Variants in FREM2 observed in about 807,000 individuals in gnomAD.
FREM2 encodes FRAS1-related extracellular matrix protein 2.
In FREM2, 119 loss-of-function variants were observed where a neutral mutation model predicts 219.9. The ratio of observed to expected loss-of-function variants is 0.54; its 90% CI spans 0.47 to 0.63. The LOEUF is 0.63. Among genes scored for constraint, FREM2 ranks in the 30% least tolerant of loss-of-function variants. The probability of loss-of-function intolerance (pLI) is 0.00; values close to 1 mark genes in which losing one functional copy is unlikely to be tolerated. For synonymous variants in FREM2, 1,562 were observed against 1,522.8 expected, an observed-to-expected ratio of 1.03 and a Z score of -0.60; for missense variants, 4,030 against 3,993.6, an observed-to-expected ratio of 1.01 and a Z score of -0.25.
At chr13:38,819,472 A>T (rs2137874776) in intron 6 of FREM2, among the ~76,000 whole-genome samples, 1 of 152,288 alleles carries the variant, frequency 6.6e-6, no homozygotes. Flanking sequence ...CTGTGGCAGG[A>T]CATAGGGCTG....
chr13:38,742,510 T>C lies in FREM2; in HGVS notation c.5264-21794T>C, dbSNP rs139722420. The stretch of plus-strand genomic sequence containing the variant: ...TACAAATCAGGTTGTAGCTGGGTTT[T>C]TCCCAATGATGATTTCAAATATGAC... On this transcript the variant is annotated intron_variant, in intron 2 of 23. Coordinates refer to ENST00000280481, the MANE Select transcript of FREM2 (RefSeq NM_207361.6). Among the ~76,000 whole-genome samples, 242 of 152,320 alleles carry C rather than the reference T, an allele frequency of 1.6e-3. 1 individual carries two copies. The highest frequency in any genetic ancestry group is 1.8e-3 in the Non-Finnish European group (123 of 68,022).
At chr13:38,695,665 T>C (rs528541423) in intron 1 of FREM2, among the ~76,000 whole-genome samples, 17 of 152,202 alleles carry the variant, frequency 1.1e-4, no homozygotes, top group African/African-American at 2.9e-4. Flanking sequence ...GTGGTAAAGA[T>C]GTGTAGTCAG....
chr13:38,751,082 T>G (rs1872734515), intron 2 of FREM2, among the ~76,000 whole-genome samples: 1 of 152,202 alleles, frequency 6.6e-6, no homozygotes, highest in South Asian at 2.1e-4. Flanking sequence ...TCTCAGCCAT[T>G]GTAAATAACG....
chr13:38,844,344 A>C (rs9548494), intron 6 of FREM2, among the ~76,000 whole-genome samples: 18,806 of 152,124 alleles, frequency 0.12, 1,406 homozygotes, highest in Admixed American at 0.21. Context: ...ATGCATATAA[A>C]ACACATGTGT....
In FREM2 at chr13:38,884,167, A is replaced by G. The variant is rs533916548; in HGVS notation, c.*3380A>G. On this transcript the variant is annotated 3_prime_UTR_variant, in exon 24 of 24. Coordinates refer to ENST00000280481, the MANE Select transcript of FREM2 (RefSeq NM_207361.6). ...GCCAAGCCACTGCATAGCATTTGTG[A>G]TAAGAAGGACCAACTCTAGGCTCAA... The G allele has an allele frequency of 6.6e-6, 1 of 152,340 alleles. No individual in the cohort carries two copies. Among genetic ancestry groups the G allele is most frequent in the South Asian group, 2.1e-4 (1 of 4,828 alleles). 9.4% of individuals were successfully genotyped at this position (152,340 alleles called of 1,614,324 possible). A position where few individuals can be genotyped will look rare whatever the true frequency, so the allele number is the denominator to read the frequency against.
intron 4 of FREM2, among the ~76,000 whole-genome samples, chr13:38,779,215 T>TG (rs1006462449): frequency 2.0e-5 from 3 of 146,382 alleles, no homozygotes; most frequent in African/African-American, 7.6e-5. Context: ...CAACACACAC[T>TG]GGGGCTTGTC....
At chr13:38,830,944 C>A (rs992833220) in intron 6 of FREM2, among the ~76,000 whole-genome samples, 1 of 152,136 alleles carries the variant, frequency 6.6e-6, no homozygotes, top group Admixed American at 6.6e-5. Flanking sequence ...AGTTTAAAAT[C>A]CTTGACTCGG....
At chr13:38,865,403 A>G (rs1877928505) in intron 16 of FREM2, among the ~76,000 whole-genome samples, 1 of 152,220 alleles carries the variant, frequency 6.6e-6, no homozygotes, top group East Asian at 1.9e-4. Context: ...TATTTGAACT[A>G]AAAGCAATGC....
chr13:38,821,349 A>T (rs1314060596), intron 6 of FREM2, among the ~76,000 whole-genome samples: 1 of 152,126 alleles, frequency 6.6e-6, no homozygotes, highest in Admixed American at 6.6e-5. Context: ...AAGATTGCCC[A>T]GTCAAATATA....
chr13:38,805,017 C>T (rs1369469331), intron 6 of FREM2, among the ~76,000 whole-genome samples: 1 of 151,964 alleles, frequency 6.6e-6, no homozygotes, highest in African/African-American at 2.4e-5. Flanking sequence ...AATTTCTTAC[C>T]TTATGGCATG....
chr13:38,861,415 C>CGTT lies in FREM2; in HGVS notation c.7520-16_7520-15insGTT. ...TACCTTCTTTTCGCATAAATATGGTCTTTTTTTTTTTCAAGGTCTTTGTCA... is the reference window on the plus strand; with the variant it reads ...TACCTTCTTTTCGCATAAATATGGTCGTTTTTTTTTTTTTCAAGGTCTTTGTCA... On this transcript the variant is annotated splice_polypyrimidine_tract_variant and intron_variant, in intron 14 of 23. Transcript: ENST00000280481. 1.4e-5 allele frequency: 18 copies of CGTT among 1,325,162 alleles called. No homozygotes were observed. Among genetic ancestry groups the CGTT allele is most frequent in the Admixed American group, 3.7e-5 (2 of 54,300 alleles). 82.1% of individuals were successfully genotyped at this position (1,325,162 alleles called of 1,614,324 possible). A position where few individuals can be genotyped will look rare whatever the true frequency, so the allele number is the denominator to read the frequency against.
chr13:38,863,505 ATACAT>A (rs1168093761), intron 15 of FREM2, among the ~76,000 whole-genome samples: 3 of 152,126 alleles, frequency 2.0e-5, no homozygotes, highest in Non-Finnish European at 4.4e-5. Context: ...ACAAAAAGAA[ATACAT>A]TACATATTAA....
At chr13:38,828,875 C>T (rs9548465) in intron 6 of FREM2, among the ~76,000 whole-genome samples, 110,271 of 152,050 alleles carry the variant, frequency 0.73, 40,300 homozygotes, top group East Asian at 0.97. Flanking sequence ...GGCATTTAGA[C>T]TGGTTTCAGA....
intron 21 of FREM2, among the ~76,000 whole-genome samples, chr13:38,877,552 G>T (rs1250075593): frequency 6.6e-6 from 1 of 152,020 alleles, no homozygotes; most frequent in Non-Finnish European, 1.5e-5. Context: ...AGCTACATGA[G>T]ACTGTAAATG....
chr13:38,857,548 A>G (rs1046997979), intron 12 of FREM2, among the ~76,000 whole-genome samples: 2 of 151,880 alleles, frequency 1.3e-5, no homozygotes. Context: ...TCCCTTCACA[A>G]CCCCAAGACA....
chr13:38,849,990 ATTTTCCACAAGGAAATT>A, intron 8 of FREM2, 31 bp from the exon 9 acceptor site: 2 of 1,513,662 alleles, frequency 1.3e-6, no homozygotes, highest in Non-Finnish European at 1.8e-6. Context: ...CTGAAATGCC[ATTTTCCACAAGGAAATT>A]TCTGTTCACT....
intron 3 of FREM2, among the ~76,000 whole-genome samples, chr13:38,765,947 A>C (rs1161643663): frequency 6.6e-6 from 1 of 152,212 alleles, no homozygotes. Flanking sequence ...TTCTCTGTGC[A>C]CATGTGCACA....
chr13:38,773,863 T>C (rs1193472374), intron 4 of FREM2, among the ~76,000 whole-genome samples: 2 of 152,106 alleles, frequency 1.3e-5, no homozygotes, highest in East Asian at 3.9e-4. Flanking sequence ...ACCTTATGTT[T>C]ATAACTCTGT....
Position 38,687,413 on chromosome 13 carries a change from A to G in FREM2, c.69A>G (p.Gly23=). 6.2e-7 allele frequency: 1 copy of G among 1,605,476 alleles called. No individual in the cohort carries two copies. The highest frequency in any genetic ancestry group is 2.2e-5 in the East Asian group (1 of 44,498). ...GCAACTCCACCAGCTTTCAACCAGG[A>G]CCGCCACCGCCGCCCCGGCTGCTGC... is the stretch of plus-strand genomic sequence containing the variant. ...RTGNSTSFQP[G]PPPPPRLLLL... is the part of the protein sequence containing the mutation. Residue 23 remains glycine (G), a synonymous_variant, in exon 1 of 24, where the codon GGA becomes GGG. Transcript: ENST00000280481.
Sources: allele counts gnomAD v4.1 joint callset (sites outside exome capture counted in the v4.1 genomes callset), GRCh38; gene constraint gnomAD v4.1.1; transcripts MANE v1.5; gene names NCBI Gene and HGNC (gene_info 2026-07-23, HGNC 2026-07-21).